The following NRXN3 variants were observed in gnomAD, a reference collection of about 807,000 sequenced individuals.
NRXN3 encodes the protein neurexin 3.
Under a neutral mutation model 137.6 loss-of-function variants are expected in NRXN3, and 32 were observed. The observed-to-expected ratio is 0.23, with a 90% CI of 0.18 to 0.31. The LOEUF (loss-of-function observed/expected upper bound fraction) is 0.31. Ranked by LOEUF, NRXN3 falls within the 10% of genes least tolerant of loss-of-function variation. The pLI is 1.00. For missense variants in NRXN3, 1,574 were observed against 2,062.5 expected (o/e 0.76, Z 4.59); for synonymous variants, 798 against 784.5 (o/e 1.02, Z -0.29).
At chr14:78,705,296 A>T (rs2098334999) in intron 6 of NRXN3, among the ~76,000 whole-genome samples, 1 of 152,248 alleles carries the variant, frequency 6.6e-6, no homozygotes, top group Non-Finnish European at 1.5e-5. Flanking sequence ...ACATTGTACC[A>T]GACAATAATT....
At chr14:78,621,461 T>C (rs966202042) in intron 4 of NRXN3, among the ~76,000 whole-genome samples, 4 of 152,324 alleles carry the variant, frequency 2.6e-5, no homozygotes, top group Middle Eastern at 3.4e-3. Flanking sequence ...AATTATTTTA[T>C]TCAAATAACA....
At chr14:79,554,096 C>T (rs1356141819) in intron 16 of NRXN3, among the ~76,000 whole-genome samples, 1 of 151,900 alleles carries the variant, frequency 6.6e-6, no homozygotes, top group Non-Finnish European at 1.5e-5. Flanking sequence ...AAAGGGTGGT[C>T]GGGAAAGAGG....
intron 4 of NRXN3, among the ~76,000 whole-genome samples, chr14:78,498,977 G>A (rs988326511): frequency 6.6e-6 from 1 of 151,924 alleles, no homozygotes; most frequent in Non-Finnish European, 1.5e-5. Flanking sequence ...AATGTTGTTA[G>A]CTTCTCTGTA....
At chr14:79,043,718 T>C (rs1595303921) in intron 15 of NRXN3, among the ~76,000 whole-genome samples, 1 of 152,120 alleles carries the variant, frequency 6.6e-6, no homozygotes, top group African/African-American at 2.4e-5. Flanking sequence ...GAGTGTACAC[T>C]GGCTGCCTTA....
intron 16 of NRXN3, among the ~76,000 whole-genome samples, chr14:79,635,316 G>A (rs542588244): frequency 2.0e-5 from 3 of 152,224 alleles, no homozygotes; most frequent in East Asian, 3.9e-4. Flanking sequence ...CCTCTTGATC[G>A]GACTTTGATG....
intron 4 of NRXN3, among the ~76,000 whole-genome samples, chr14:78,610,946 T>C (rs1202764135): frequency 1.3e-5 from 2 of 152,210 alleles, no homozygotes; most frequent in Non-Finnish European, 2.9e-5. Context: ...AAGCAGAGAA[T>C]GATAAGCCAG....
Position 78,636,150 on chromosome 14 carries a change from A to T in NRXN3, c.758-8970A>T, listed in dbSNP as rs541736827. 5.3e-5 allele frequency among the ~76,000 whole-genome samples: 8 copies of T among 152,302 alleles called. No individual in the cohort carries two copies. The South Asian group carries it at 6.2e-4, about 12-fold the overall frequency. On this transcript the variant is annotated intron_variant, in intron 4 of 20. Transcript: ENST00000335750. ...ATTGTGTAATAGACATAAGAGTCAA[A>T]TCATAATTGTGTCAAGGATCCAAAT...
At chr14:79,106,216 T>A (rs2052407549) in intron 15 of NRXN3, among the ~76,000 whole-genome samples, 1 of 152,214 alleles carries the variant, frequency 6.6e-6, no homozygotes, top group South Asian at 2.1e-4. Context: ...TAGTATAATA[T>A]CAGCTCATAA....
intron 4 of NRXN3, among the ~76,000 whole-genome samples, chr14:78,578,607 A>T (rs10873318): frequency 0.045 from 6,893 of 152,248 alleles, 231 homozygotes; most frequent in African/African-American, 0.092. Context: ...TTAGCTCAAG[A>T]ATCACCATGA....
chr14:79,805,556 A>G (rs1477474543), intron 20 of NRXN3, among the ~76,000 whole-genome samples: 5 of 152,140 alleles, frequency 3.3e-5, no homozygotes, highest in Non-Finnish European at 7.3e-5. Context: ...GAGGAAATAT[A>G]TGTTGGAATG....
chr14:79,823,567 C>A (rs531921817), intron 20 of NRXN3, among the ~76,000 whole-genome samples: 2 of 152,018 alleles, frequency 1.3e-5, no homozygotes, highest in African/African-American at 2.4e-5. Flanking sequence ...CAGAGCAAGA[C>A]CCTGTCTCAA....
intron 15 of NRXN3, among the ~76,000 whole-genome samples, chr14:79,159,571 T>A (rs1177656686): frequency 6.6e-6 from 1 of 151,826 alleles, no homozygotes; most frequent in Non-Finnish European, 1.5e-5. Flanking sequence ...TCTGCTGCTG[T>A]AGGTTTCATT....
At chr14:79,410,724 C>T (rs887966965) in intron 15 of NRXN3, among the ~76,000 whole-genome samples, 7 of 152,028 alleles carry the variant, frequency 4.6e-5, no homozygotes, top group African/African-American at 1.7e-4. Context: ...TTAGAAGGGG[C>T]ACACTGTTCA....
In NRXN3 at chr14:79,601,828, A is replaced by G. The variant is rs562094986; in HGVS notation, c.3445-61950A>G. On this transcript the variant is annotated intron_variant, in intron 16 of 20. Coordinates refer to ENST00000335750, the MANE Select transcript of NRXN3 (RefSeq NM_001330195.2). ...AAGTGATAGCTCAGGCAAGACTGAC[A>G]CTAATTCTTGGCCTCTCTGTCTAAG... 6.6e-5 allele frequency among the ~76,000 whole-genome samples: 10 copies of G among 152,330 alleles called. No individual in the cohort carries two copies. The South Asian group carries it at 2.1e-3, about 32-fold the overall frequency.
intron 8 of NRXN3, among the ~76,000 whole-genome samples, chr14:78,792,844 A>C (rs2098809805): frequency 6.6e-6 from 1 of 152,232 alleles, no homozygotes; most frequent in South Asian, 2.1e-4. Flanking sequence ...CAGCACCAGC[A>C]GACATTCACA....
At chr14:79,326,732 T>C (rs2090933427) in intron 15 of NRXN3, among the ~76,000 whole-genome samples, 1 of 152,212 alleles carries the variant, frequency 6.6e-6, no homozygotes, top group Non-Finnish European at 1.5e-5. Context: ...CATAACATTG[T>C]CACAAGCCAG....
At chr14:78,385,158 G>A (rs2089753587) in intron 4 of NRXN3, among the ~76,000 whole-genome samples, 1 of 152,022 alleles carries the variant, frequency 6.6e-6, no homozygotes, top group Non-Finnish European at 1.5e-5. Flanking sequence ...ATGTCATGTG[G>A]TTTCACACAC....
chr14:79,341,266 TCTC>T (rs2092597557), intron 15 of NRXN3, among the ~76,000 whole-genome samples: 1 of 152,130 alleles, frequency 6.6e-6, no homozygotes, highest in Non-Finnish European at 1.5e-5. Context: ...CCCAGGGTAA[TCTC>T]CTTCAACTGT....
At chr14:79,563,345 T>C (rs2097519004) in intron 16 of NRXN3, among the ~76,000 whole-genome samples, 1 of 152,114 alleles carries the variant, frequency 6.6e-6, no homozygotes. Context: ...GTTCTCACCC[T>C]TCACTTGTGC....
Sources: allele counts gnomAD v4.1 joint callset (sites outside exome capture counted in the v4.1 genomes callset), GRCh38; gene constraint gnomAD v4.1.1; transcripts MANE v1.5; gene names NCBI Gene and HGNC (gene_info 2026-07-23, HGNC 2026-07-21).